The following DENND5B variants were observed in gnomAD, a reference collection of about 807,000 sequenced individuals.
DENND5B encodes DENN domain-containing protein 5B.
In DENND5B, 34 loss-of-function variants were observed where a neutral mutation model predicts 140.6. The observed-to-expected ratio is 0.24, with a 90% confidence interval of 0.18 to 0.32. The LOEUF is 0.32. DENND5B is among the 10% of genes least tolerant of loss of function. The pLI is 1.00. For synonymous variants in DENND5B, 551 were observed against 562.1 expected (o/e 0.98, Z 0.28); for missense variants, 1,142 against 1,560.2 (o/e 0.73, Z 4.52).
rs1178536218 is a variant in DENND5B at position 31,444,508 on chromosome 12, T to G, written c.1862-1583A>C. Reference sequence around the variant, plus strand: ...ATCTGCCCTCCTCGGCCTCCCAAAGTGCTGGGATTACAGGCGTTAGCCATT... The same window carrying G: ...ATCTGCCCTCCTCGGCCTCCCAAAGGGCTGGGATTACAGGCGTTAGCCATT... On this transcript the variant is annotated intron_variant, in intron 6 of 20. Transcript: ENST00000389082. Among the ~76,000 whole-genome samples, 4 of 152,206 alleles carry G rather than the reference T, an allele frequency of 2.6e-5. No homozygotes were observed. In the East Asian group the frequency reaches 7.7e-4, roughly 29 times the overall value.
In DENND5B at chr12:31,496,019, G is replaced by C. The variant is rs546055441; in HGVS notation, c.128-100C>G. On this transcript the variant is annotated intron_variant, in intron 1 of 20. Transcript: ENST00000389082. Reference sequence around the variant, plus strand: ...TCCTACTACTGACTGATAATGTTGAGATCTGATTCAATTTCTGCCTCTAAC... The same window carrying C: ...TCCTACTACTGACTGATAATGTTGACATCTGATTCAATTTCTGCCTCTAAC... 15 of 713,002 alleles carry C rather than the reference G, an allele frequency of 2.1e-5. No homozygotes were observed. The South Asian group carries it at 4.5e-4, about 21-fold the overall frequency. The allele number at this position is 713,002 out of a possible 1,614,324, so 44.2% of individuals were successfully genotyped here.
rs568100213 is a variant in DENND5B, at chr12:31,571,267, G to A, written c.127+19439C>T. On this transcript the variant is annotated intron_variant, in intron 1 of 20. Coordinates refer to ENST00000389082, the MANE Select transcript of DENND5B (RefSeq NM_144973.4). ...ATTCTACGTGACAACACACAAATCG[G>A]ACCAGTAAGATAGAGATCAAGAGTT... 2.0e-5 allele frequency among the ~76,000 whole-genome samples: 3 copies of A among 152,278 alleles called. No homozygotes were observed. In the East Asian group the frequency reaches 5.8e-4, roughly 29 times the overall value.
intron 16 of DENND5B, 147 bp downstream of exon 16, chr12:31,399,507 G>T: frequency 1.8e-6 from 1 of 557,536 alleles, no homozygotes; most frequent in Non-Finnish European, 3.2e-6. Flanking sequence ...TCAAACTCCT[G>T]ACCTCAGGTG....
At chr12:31,543,272 CAT>C (rs1417430182) in intron 1 of DENND5B, among the ~76,000 whole-genome samples, 4 of 152,096 alleles carry the variant, frequency 2.6e-5, no homozygotes, top group Non-Finnish European at 5.9e-5. Context: ...GTAGAGTTTC[CAT>C]ATGTTTTGTA....
At chr12:31,411,181 G>A (rs1942441951) in intron 13 of DENND5B, among the ~76,000 whole-genome samples, 1 of 151,852 alleles carries the variant, frequency 6.6e-6, no homozygotes, top group African/African-American at 2.4e-5. Flanking sequence ...TGGGATTACA[G>A]GCATGTGCCA....
intron 2 of DENND5B, among the ~76,000 whole-genome samples, chr12:31,483,501 C>T (rs970349441): frequency 2.0e-5 from 3 of 151,400 alleles, no homozygotes; most frequent in Admixed American, 6.6e-5. Flanking sequence ...AGTGCAGTGG[C>T]GCGATCTCGG....
chr12:31,528,834 G>A (rs983663559), intron 1 of DENND5B, among the ~76,000 whole-genome samples: 15 of 152,170 alleles, frequency 9.9e-5, no homozygotes, highest in Admixed American at 9.8e-4. Context: ...GTAGATTTAG[G>A]ACTCATTTGT....
At chr12:31,406,607 A>T (rs1247535888) in intron 14 of DENND5B, among the ~76,000 whole-genome samples, 1 of 152,210 alleles carries the variant, frequency 6.6e-6, no homozygotes, top group Admixed American at 6.5e-5. Flanking sequence ...AGAAAAAGGC[A>T]TGTTTAGGGT....
chr12:31,524,041 C>CTTTTT (rs148193944), intron 1 of DENND5B, among the ~76,000 whole-genome samples: 1 of 121,542 alleles, frequency 8.2e-6, no homozygotes, highest in African/African-American at 3.2e-5. Context: ...CTACTGAGCC[C>CTTTTT]TTTTTTTTTT....
At chr12:31,523,504 T>A (rs1418219779) in intron 1 of DENND5B, among the ~76,000 whole-genome samples, 1 of 152,092 alleles carries the variant, frequency 6.6e-6, no homozygotes, top group African/African-American at 2.4e-5. Flanking sequence ...TCTCATACCA[T>A]TTCACCAAAA....
At chr12:31,418,588 C>T (rs1942878125) in intron 11 of DENND5B, among the ~76,000 whole-genome samples, 1 of 151,818 alleles carries the variant, frequency 6.6e-6, no homozygotes, top group Non-Finnish European at 1.5e-5. Flanking sequence ...GCCATCACAC[C>T]CGGCCACAGC....
At chr12:31,478,829 T>C (rs1945938544) in intron 3 of DENND5B, among the ~76,000 whole-genome samples, 1 of 152,218 alleles carries the variant, frequency 6.6e-6, no homozygotes, top group South Asian at 2.1e-4. Flanking sequence ...CTCTACACAT[T>C]CATATTCAGA....
intron 7 of DENND5B, among the ~76,000 whole-genome samples, chr12:31,436,891 G>A (rs568271466): frequency 1.3e-5 from 2 of 152,206 alleles, no homozygotes; most frequent in East Asian, 1.9e-4. Flanking sequence ...TGTCACCTCT[G>A]AGCCTTTGTC....
At chr12:31,546,385 G>A in intron 1 of DENND5B, among the ~76,000 whole-genome samples, 1 of 151,730 alleles carries the variant, frequency 6.6e-6, no homozygotes, top group Non-Finnish European at 1.5e-5. Context: ...CATATTTAGT[G>A]GGAATAAAGT....
At chr12:31,567,225 G>A (rs1008899068) in intron 1 of DENND5B, among the ~76,000 whole-genome samples, 1 of 151,958 alleles carries the variant, frequency 6.6e-6, no homozygotes, top group East Asian at 1.9e-4. Context: ...AGCTGAGGTG[G>A]GAGGATCACC....
chr12:31,573,954 A>T lies in DENND5B; in HGVS notation c.127+16752T>A, dbSNP rs1335766685. On this transcript the variant is annotated intron_variant, in intron 1 of 20. Transcript: ENST00000389082. ...GCTCCATTCTGGGCAACAAAGGGAG[A>T]CTCTTTATCTCTTAAAAAAAAAAAA... Among the ~76,000 whole-genome samples, 9 of 147,900 alleles carry T rather than the reference A, an allele frequency of 6.1e-5. 1 individual carries two copies. Among genetic ancestry groups the T allele is most frequent in the Non-Finnish European group, 1.0e-4 (7 of 67,320 alleles).
In DENND5B at chr12:31,426,339, G is replaced by A. The variant is rs1348913293; in HGVS notation, c.2192C>T (p.Thr731Ile). The change falls in exon 9 of 21, where the codon ACC becomes ATC. Residue 731 changes from threonine (T) to isoleucine (I), a missense_variant. Thr to Ile is a moderately conservative substitution (Grantham distance 89). Around this residue, in one of 5 missense-constraint regions of DENND5B, gnomAD observed 708 missense variants for 905.5 expected, o/e 0.78. Transcript: ENST00000389082. ...TAAGCCTTCTACGAATTTACAGTTG[G>A]TCTGTGCAATAACTGCAGGAGAGAG... ...SDLSPAVIAQ[T>I]NCKFVEGLLK... is the part of the protein sequence containing the mutation. 6.2e-7 allele frequency: 1 copy of A among 1,611,210 alleles called. No individual in the cohort carries two copies. The highest frequency in any genetic ancestry group is 2.2e-5 in the East Asian group (1 of 44,854).
At chr12:31,413,749 A>AT (rs1942587127) in intron 12 of DENND5B, among the ~76,000 whole-genome samples, 185 bp from the exon 13 acceptor site, 1 of 152,242 alleles carries the variant, frequency 6.6e-6, no homozygotes, top group Non-Finnish European at 1.5e-5. Flanking sequence ...GTCTCACATC[A>AT]TAATTGCCAT....
At chr12:31,585,296 C>A (rs146632164) in intron 1 of DENND5B, among the ~76,000 whole-genome samples, 1 of 152,154 alleles carries the variant, frequency 6.6e-6, no homozygotes, top group Non-Finnish European at 1.5e-5. Flanking sequence ...CTGAGCTACC[C>A]GGGGCAGACC....
Sources: gnomAD v4.1 joint callset for allele counts (sites outside exome capture counted in the v4.1 genomes callset) on GRCh38, gnomAD v4.1.1 for gene constraint, gnomAD v4.1.1 regional missense constraint, MANE v1.5 for transcripts, NCBI Gene and HGNC (gene_info 2026-07-23, HGNC 2026-07-21) for gene names.